Variants in ZNF407 observed in about 807,000 individuals in gnomAD.
ZNF407 encodes zinc finger protein 407.
A neutral mutation model predicts 131.2 loss-of-function variants in ZNF407; 17 were observed. That is an observed-to-expected ratio of 0.13 (90% CI 0.09 to 0.19). The LOEUF is 0.19. Ranked by LOEUF, ZNF407 falls within the 10% of genes least tolerant of loss-of-function variation. The pLI, the probability that ZNF407 is intolerant of heterozygous loss-of-function variation, is 1.00. For missense variants in ZNF407, 2,681 were observed against 2,830.6 expected (o/e 0.95, Z 1.20); for synonymous variants, 1,156 against 1,062.0 (o/e 1.09, Z -1.72).
intron 8 of ZNF407, among the ~76,000 whole-genome samples, chr18:75,043,957 A>G (rs1188171376): frequency 1.3e-5 from 2 of 152,212 alleles, no homozygotes; most frequent in South Asian, 4.1e-4. Context: ...TTGAACACTG[A>G]GAGCTGCTGA....
chr18:74,839,984 A>T (rs1970610298), intron 4 of ZNF407, among the ~76,000 whole-genome samples: 1 of 152,110 alleles, frequency 6.6e-6, no homozygotes. Flanking sequence ...TTTGTGGGGA[A>T]ATTTAATGTC....
chr18:74,921,189 G>A (rs779823062), intron 8 of ZNF407: 9 of 253,434 alleles, frequency 3.6e-5, no homozygotes, highest in Non-Finnish European at 5.6e-5. Context: ...AATTGGGAGG[G>A]GGCTGGCCCT....
In ZNF407 at chr18:74,631,125, G is replaced by T; in HGVS notation, c.106G>T (p.Val36Leu). 1 of 1,613,910 alleles carries T rather than the reference G, an allele frequency of 6.2e-7. No individual in the cohort carries two copies. The highest frequency in any genetic ancestry group is 8.5e-7 in the Non-Finnish European group (1 of 1,179,884). Residue 36 changes from valine to leucine, a missense_variant, in exon 2 of 9, where the codon GTA (valine) becomes TTA (leucine). Transcript: ENST00000299687. ...ATCCCATAATGAAGACGGTGGGCCT[G>T]TATCTGATGTGATAGCAAGTTTCCC... Reference protein sequence around the residue: ...LSSHNEDGGPVSDVIASFPEN... With the variant: ...LSSHNEDGGPLSDVIASFPEN...
intron 3 of ZNF407, among the ~76,000 whole-genome samples, chr18:74,662,068 T>C (rs1985739659): frequency 6.6e-6 from 1 of 151,826 alleles, no homozygotes; most frequent in African/African-American, 2.4e-5. Context: ...TATGATCAAC[T>C]GGAATGCAGC....
intron 3 of ZNF407, among the ~76,000 whole-genome samples, chr18:74,771,590 A>G (rs1969362420): frequency 6.6e-6 from 1 of 151,960 alleles, no homozygotes; most frequent in South Asian, 2.1e-4. Flanking sequence ...GTTAACAACA[A>G]ATTATAGTAT....
chr18:74,706,837 G>T (rs759944007), intron 3 of ZNF407, among the ~76,000 whole-genome samples: 2 of 151,896 alleles, frequency 1.3e-5, no homozygotes, highest in Non-Finnish European at 2.9e-5. Flanking sequence ...TGGACACAAC[G>T]CTTCAAGTGC....
chr18:75,051,702 C>G (rs1357106166), intron 8 of ZNF407, among the ~76,000 whole-genome samples: 5 of 152,196 alleles, frequency 3.3e-5, no homozygotes, highest in Non-Finnish European at 7.3e-5. Context: ...ACTTTAACAG[C>G]TCTTAAAGAA....
chr18:74,772,427 A>G (rs1969381911), intron 3 of ZNF407, among the ~76,000 whole-genome samples: 1 of 152,210 alleles, frequency 6.6e-6, no homozygotes, highest in Admixed American at 6.5e-5. Context: ...ATGTCAGAAT[A>G]CAAGAATAAA....
At chr18:74,766,051 G>C (rs28411813) in intron 3 of ZNF407, among the ~76,000 whole-genome samples, 13 of 55,572 alleles carry the variant, frequency 2.3e-4, no homozygotes, top group African/African-American at 4.7e-4. Context: ...GTGTGTGTGT[G>C]TGTGTCTGTG....
intron 1 of ZNF407, among the ~76,000 whole-genome samples, chr18:74,622,084 T>A (rs1983535017): frequency 6.6e-6 from 1 of 152,100 alleles, no homozygotes; most frequent in African/African-American, 2.4e-5. Flanking sequence ...TTTTTTTTCC[T>A]TCATAGGATC....
intron 8 of ZNF407, among the ~76,000 whole-genome samples, chr18:75,039,872 T>G (rs1973352684): frequency 1.3e-5 from 2 of 152,116 alleles, no homozygotes; most frequent in Non-Finnish European, 1.5e-5. Context: ...GAGAATTTTT[T>G]TTTTTGGTTC....
chr18:74,977,507 A>T (rs905451029), intron 8 of ZNF407, among the ~76,000 whole-genome samples: 3 of 152,236 alleles, frequency 2.0e-5, no homozygotes, highest in Non-Finnish European at 2.9e-5. Flanking sequence ...CACATCAAAG[A>T]TGGCTCATTT....
intron 7 of ZNF407, among the ~76,000 whole-genome samples, chr18:74,916,143 A>G (rs1422856150): frequency 0.014 from 99 of 7,182 alleles, no homozygotes; most frequent in Admixed American, 0.02. Flanking sequence ...GTGTGTGTGC[A>G]TGCATGTGTG....
intron 8 of ZNF407, among the ~76,000 whole-genome samples, chr18:75,007,578 G>T (rs1317346997): frequency 6.6e-6 from 1 of 152,178 alleles, no homozygotes; most frequent in Admixed American, 6.5e-5. Flanking sequence ...GTCAAGTGAG[G>T]TCTGAATGCA....
At chr18:74,716,267 A>G (rs961922579) in intron 3 of ZNF407, among the ~76,000 whole-genome samples, 4 of 152,112 alleles carry the variant, frequency 2.6e-5, no homozygotes, top group African/African-American at 9.7e-5. Context: ...ACATGATGTG[A>G]CCTGTTTTGC....
At chr18:75,035,859 G>A (rs1309720828) in intron 8 of ZNF407, among the ~76,000 whole-genome samples, 1 of 152,220 alleles carries the variant, frequency 6.6e-6, no homozygotes. Context: ...AGTAGAATAG[G>A]ATCTATAGGT....
chr18:74,763,626 G>A (rs1416894941), intron 3 of ZNF407, among the ~76,000 whole-genome samples: 2 of 151,264 alleles, frequency 1.3e-5, no homozygotes. Context: ...GGTATAAAAT[G>A]AAGGTAGTTA....
At chr18:74,849,206 G>A (rs1275190747) in intron 4 of ZNF407, among the ~76,000 whole-genome samples, 1 of 151,714 alleles carries the variant, frequency 6.6e-6, no homozygotes, top group African/African-American at 2.4e-5. Flanking sequence ...AGCCTCCCAA[G>A]TAGCTGGGAT....
rs375792817 is a variant in ZNF407, at chr18:74,968,856, T to C, written c.5428+48164T>C. ...GGAGGTTTGCAGCCTTTAAATACTT[T>C]TTTTGGTGCAGCCCCTCCTCCTCCT... On this transcript the variant is annotated intron_variant, in intron 8 of 8. Transcript: ENST00000299687. Among the ~76,000 whole-genome samples the C allele has an allele frequency of 1.2e-4, 18 of 152,314 alleles. 1 individual carries two copies. The highest frequency in any genetic ancestry group is 3.8e-4 in the African/African-American group (16 of 41,574).
Sources: allele counts gnomAD v4.1 joint callset (sites outside exome capture counted in the v4.1 genomes callset), GRCh38; gene constraint gnomAD v4.1.1; transcripts MANE v1.5; gene names NCBI Gene and HGNC (gene_info 2026-07-23, HGNC 2026-07-21).